The following GIPC2 variants were observed in gnomAD, a reference collection of about 807,000 sequenced individuals.
The protein encoded by GIPC2 is PDZ domain-containing protein GIPC2.
A neutral mutation model predicts 30.6 loss-of-function variants in GIPC2; 30 were observed. The observed-to-expected ratio is 0.98, with a 90% CI of 0.73 to 1.33. GIPC2 has a LOEUF of 1.33. GIPC2 is among the 40% of genes most tolerant of loss of function. The pLI, the probability that GIPC2 is intolerant of heterozygous loss-of-function variation, is 0.00. For synonymous variants in GIPC2, 167 were observed against 150.0 expected (o/e 1.11, Z -0.83); for missense variants, 414 against 390.3 (o/e 1.06, Z -0.51).
At chr1:78,107,331 G>T (rs1464689607) in intron 3 of GIPC2, among the ~76,000 whole-genome samples, 2 of 151,958 alleles carry the variant, frequency 1.3e-5, no homozygotes, top group Non-Finnish European at 2.9e-5. Context: ...GTTTTGTAGA[G>T]ATGGGATCTC....
rs1663008259 is a variant in GIPC2, at chr1:78,136,572, G to A, written c.*829G>A. ...TTTTATATTTTTTTGTAGAGTTTTT[G>A]GAAAGATATTTACTCAAAATAACTA... On this transcript the variant is annotated 3_prime_UTR_variant, in exon 6 of 6. Coordinates refer to ENST00000370759, the MANE Select transcript of GIPC2 (RefSeq NM_017655.6). 7.2e-6 allele frequency: 1 copy of A among 138,188 alleles called. No homozygotes were observed. Among genetic ancestry groups the A allele is most frequent in the Non-Finnish European group, 1.6e-5 (1 of 63,786 alleles). 8.6% of individuals were successfully genotyped at this position (138,188 alleles called of 1,614,324 possible).
At chr1:78,109,144 C>T (rs1490572800) in intron 3 of GIPC2, among the ~76,000 whole-genome samples, 1 of 152,196 alleles carries the variant, frequency 6.6e-6, no homozygotes, top group African/African-American at 2.4e-5. Context: ...CATCTGCTTT[C>T]TTATTCATGC....
intron 4 of GIPC2, among the ~76,000 whole-genome samples, chr1:78,123,031 G>C (rs1235597899): frequency 1.3e-5 from 2 of 152,030 alleles, no homozygotes; most frequent in East Asian, 3.9e-4. Flanking sequence ...AGACTGATGT[G>C]GGTGGGTTAC....
At chr1:78,103,269 ATATAG>A (rs1465317005) in intron 3 of GIPC2, among the ~76,000 whole-genome samples, 5 of 152,230 alleles carry the variant, frequency 3.3e-5, no homozygotes, top group African/African-American at 7.2e-5. Context: ...GTTGAATGAA[ATATAG>A]TATAGCAGTG....
At chr1:78,046,462 C>T (rs941867890) in intron 1 of GIPC2, 128 bp downstream of exon 1, 2 of 800,014 alleles carry the variant, frequency 2.5e-6, no homozygotes, top group South Asian at 1.6e-5. Context: ...GTGTTGAGTC[C>T]GCCGGGGGCG....
At chr1:78,053,745 T>TA (rs11384461) in intron 1 of GIPC2, among the ~76,000 whole-genome samples, 66,123 of 88,532 alleles carry the variant, frequency 0.75, 24,752 homozygotes, top group Non-Finnish European at 0.83. Flanking sequence ...CCCTGCCTCT[T>TA]AAAAAAAAAA....
chr1:78,095,689 C>A (rs904973139), intron 3 of GIPC2, among the ~76,000 whole-genome samples: 2 of 152,136 alleles, frequency 1.3e-5, no homozygotes, highest in Non-Finnish European at 2.9e-5. Context: ...GCCATGACAG[C>A]TGTATTCCAA....
intron 1 of GIPC2, among the ~76,000 whole-genome samples, chr1:78,055,593 T>C (rs1049209093): frequency 6.6e-6 from 1 of 152,206 alleles, no homozygotes; most frequent in Non-Finnish European, 1.5e-5. Flanking sequence ...CTCTTGACTT[T>C]GCTCCTCCCA....
intron 3 of GIPC2, among the ~76,000 whole-genome samples, chr1:78,098,938 TCTATTGTTTAAGCCACCTAG>T (rs1032909284): frequency 6.6e-6 from 1 of 152,120 alleles, no homozygotes; most frequent in African/African-American, 2.4e-5. Context: ...AAAATAAATT[TCTATTGTTTAAGCCACCTAG>T]TCTATGGTAC....
At chr1:78,057,759 G>A (rs900578540) in intron 1 of GIPC2, among the ~76,000 whole-genome samples, 6 of 152,170 alleles carry the variant, frequency 3.9e-5, no homozygotes, top group African/African-American at 1.2e-4. Context: ...TATTGGCTTT[G>A]TGCCAGTCAC....
chr1:78,089,725 A>G (rs761859381), intron 2 of GIPC2, among the ~76,000 whole-genome samples: 17 of 152,256 alleles, frequency 1.1e-4, no homozygotes, highest in Non-Finnish European at 2.4e-4. Context: ...ATTTCTAAGA[A>G]CAAAAAGTAT....
intron 2 of GIPC2, among the ~76,000 whole-genome samples, chr1:78,088,831 TA>T (rs67286239): frequency 2.8e-3 from 393 of 140,992 alleles, no homozygotes; most frequent in Non-Finnish European, 2.6e-3. Context: ...CACTGTCTCT[TA>T]AAAAAAAAAA....
chr1:78,072,692 A>G (rs1403959713), intron 1 of GIPC2, among the ~76,000 whole-genome samples: 1 of 152,182 alleles, frequency 6.6e-6, no homozygotes, highest in Non-Finnish European at 1.5e-5. Context: ...GACTTAGATA[A>G]TAAGAACAAC....
intron 1 of GIPC2, among the ~76,000 whole-genome samples, chr1:78,049,918 A>G (rs1267919730): frequency 9.3e-6 from 1 of 107,200 alleles, no homozygotes. Flanking sequence ...TTTTTTTGAG[A>G]TGGAGTCTAG....
chr1:78,109,119 A>C (rs1662415820), intron 3 of GIPC2, among the ~76,000 whole-genome samples: 1 of 152,260 alleles, frequency 6.6e-6, no homozygotes, highest in African/African-American at 2.4e-5. Flanking sequence ...GATGGTGGTC[A>C]GCAACTGCTG....
At chr1:78,067,406 A>G (rs1661538641) in intron 1 of GIPC2, among the ~76,000 whole-genome samples, 1 of 152,194 alleles carries the variant, frequency 6.6e-6, no homozygotes, top group Non-Finnish European at 1.5e-5. Context: ...TTCCTCAAAA[A>G]AGATGCTGGA....
intron 2 of GIPC2, among the ~76,000 whole-genome samples, chr1:78,093,220 T>C (rs1662073014): frequency 1.3e-5 from 2 of 152,216 alleles, no homozygotes; most frequent in Admixed American, 1.3e-4. Context: ...ATTTAATAGT[T>C]TTTTCTTCTT....
chr1:78,104,627 T>C (rs757551455), intron 3 of GIPC2, among the ~76,000 whole-genome samples: 6 of 151,706 alleles, frequency 4.0e-5, no homozygotes, highest in Non-Finnish European at 5.9e-5. Context: ...AGGGTAAAAA[T>C]GGGGTAGGAG....
chr1:78,124,713 A>G (rs1662750237), intron 4 of GIPC2, among the ~76,000 whole-genome samples: 2 of 152,152 alleles, frequency 1.3e-5, no homozygotes, highest in African/African-American at 4.8e-5. Flanking sequence ...ATCATTGAAA[A>G]CACAGTTCTT....
Sources: gnomAD v4.1 joint callset for allele counts (sites outside exome capture counted in the v4.1 genomes callset) on GRCh38, gnomAD v4.1.1 for gene constraint, MANE v1.5 for transcripts, NCBI Gene and HGNC (gene_info 2026-07-23, HGNC 2026-07-21) for gene names.